RIC1: variants seen among roughly 807,000 people sequenced by gnomAD.
RIC1 encodes the protein guanine nucleotide exchange factor subunit RIC1.
RIC1 carries 88 observed loss-of-function variants against 169.0 expected under a neutral mutation model. That is an observed-to-expected ratio of 0.52 (90% CI 0.44 to 0.62). The LOEUF is 0.62. Among genes scored for constraint, RIC1 ranks in the 20% least tolerant of loss-of-function variants. The probability of loss-of-function intolerance (pLI) is 0.00; values close to 1 mark genes in which losing one functional copy is unlikely to be tolerated. For synonymous variants in RIC1, 790 were observed against 601.5 expected (o/e 1.31, Z -4.59); for missense variants, 1,877 against 1,725.5 (o/e 1.09, Z -1.56).
At chr9:5,720,378 G>A (rs1047032788) in intron 5 of RIC1, 54 bp downstream of exon 5, 6 of 1,525,102 alleles carry the variant, frequency 3.9e-6, no homozygotes, top group South Asian at 3.6e-5. Context: ...TTGATGTCTA[G>A]TTAGGTATCT....
chr9:5,701,268 T>C (rs1389470252), intron 3 of RIC1, among the ~76,000 whole-genome samples: 1 of 152,198 alleles, frequency 6.6e-6, no homozygotes, highest in Non-Finnish European at 1.5e-5. Flanking sequence ...TGGGCATCTA[T>C]ATTGAATCCT....
At chr9:5,656,557 ACT>A in intron 1 of RIC1, 24 bp from the exon 2 acceptor site, 1 of 1,033,914 alleles carries the variant, frequency 9.7e-7, no homozygotes, top group Non-Finnish European at 1.4e-6. Flanking sequence ...AAAAAATACA[ACT>A]TTTTTTTTTT....
chr9:5,771,350 T>TA (rs1268093536), intron 23 of RIC1, among the ~76,000 whole-genome samples: 1 of 152,204 alleles, frequency 6.6e-6, no homozygotes, highest in Non-Finnish European at 1.5e-5. Flanking sequence ...TCACTTAGCA[T>TA]AATGTCCTCA....
At chr9:5,671,835 G>T (rs1820125907) in intron 2 of RIC1, among the ~76,000 whole-genome samples, 1 of 152,134 alleles carries the variant, frequency 6.6e-6, no homozygotes, top group South Asian at 2.1e-4. Flanking sequence ...AGAGGGAAAG[G>T]TTTGCTTTGC....
chr9:5,670,515 C>T (rs1003838827), intron 2 of RIC1, among the ~76,000 whole-genome samples: 6 of 152,198 alleles, frequency 3.9e-5, no homozygotes, highest in African/African-American at 1.4e-4. Flanking sequence ...CCATGACCTA[C>T]TTATTGTATA....
At position 5,760,847 on chromosome 9, in the gene RIC1, A is replaced by G. The variant is rs2131081601; in HGVS notation, c.1993-1694A>G. 2.6e-5 allele frequency among the ~76,000 whole-genome samples: 4 copies of G among 152,284 alleles called. 1 individual carries two copies. The highest frequency in any genetic ancestry group is 2.6e-4 in the Admixed American group (4 of 15,288). Reference sequence around the variant, plus strand: ...TAGGGTGGCTGCTGTTTTCTTGATGAACCCTAAATGATCATTGGTAGCTTA... The same window carrying G: ...TAGGGTGGCTGCTGTTTTCTTGATGGACCCTAAATGATCATTGGTAGCTTA... On this transcript the variant is annotated intron_variant, in intron 17 of 25. Coordinates refer to ENST00000414202, the MANE Select transcript of RIC1 (RefSeq NM_020829.4).
chr9:5,679,665 G>A (rs992429159), intron 2 of RIC1, among the ~76,000 whole-genome samples: 6 of 152,170 alleles, frequency 3.9e-5, no homozygotes, highest in African/African-American at 1.4e-4. Context: ...GTATAAGAAT[G>A]CTTGTGATTT....
At chr9:5,728,629 G>T (rs1159307928) in intron 6 of RIC1, among the ~76,000 whole-genome samples, 2 of 152,154 alleles carry the variant, frequency 1.3e-5, no homozygotes, top group African/African-American at 4.8e-5. Context: ...CTCATGCTGG[G>T]AGCTGTACAC....
chr9:5,644,145 T>C (rs553377151), intron 1 of RIC1, among the ~76,000 whole-genome samples: 2 of 152,340 alleles, frequency 1.3e-5, no homozygotes, highest in Admixed American at 1.3e-4. Flanking sequence ...ATTTATAGTG[T>C]TGTGCATCCA....
At chr9:5,651,674 C>A (rs888395468) in intron 1 of RIC1, among the ~76,000 whole-genome samples, 2 of 150,350 alleles carry the variant, frequency 1.3e-5, no homozygotes, top group Non-Finnish European at 2.9e-5. Context: ...AGTGATTCTC[C>A]TGCCTCAGCC....
chr9:5,774,275 A>G lies in RIC1; in HGVS notation c.*29A>G, dbSNP rs377185133. The G allele has an allele frequency of 5.1e-6, 8 of 1,569,266 alleles. No homozygotes were observed. In the African/African-American group the frequency reaches 1.1e-4, roughly 21 times the overall value. On this transcript the variant is annotated 3_prime_UTR_variant, in exon 26 of 26. Coordinates refer to ENST00000414202, the MANE Select transcript of RIC1 (RefSeq NM_020829.4). ...TGAGGTTCCATCACAAAGGGGCAGT[A>G]TTAATTAGCAGCAGCGTGCAGCTCA...
intron 3 of RIC1, 80 bp downstream of exon 3, chr9:5,690,118 C>T: frequency 1.1e-6 from 1 of 941,204 alleles, no homozygotes; most frequent in Non-Finnish European, 1.6e-6. Context: ...TTTGAGTTGT[C>T]TGTAGTGATT....
intron 1 of RIC1, among the ~76,000 whole-genome samples, chr9:5,650,487 T>A (rs1192852930): frequency 6.6e-6 from 1 of 151,998 alleles, no homozygotes; most frequent in South Asian, 2.1e-4. Context: ...CATGTGCATG[T>A]CCACTGTGGC....
chr9:5,636,399 A>C (rs1053923560), intron 1 of RIC1, among the ~76,000 whole-genome samples: 57 of 152,192 alleles, frequency 3.7e-4, no homozygotes, highest in African/African-American at 1.3e-3. Context: ...AACTCACTGC[A>C]GCCTCTGCCT....
At chr9:5,654,950 CTATAG>C (rs1819000712) in intron 1 of RIC1, among the ~76,000 whole-genome samples, 1 of 152,122 alleles carries the variant, frequency 6.6e-6, no homozygotes, top group Admixed American at 6.5e-5. Context: ...TGTAACCTTG[CTATAG>C]TTACTTATTC....
Position 5,743,704 on chromosome 9 carries a change from C to T in RIC1, c.1062C>T (p.Gly354=). The T allele has an allele frequency of 6.2e-7, 1 of 1,609,254 alleles. No individual in the cohort carries two copies. The highest frequency in any genetic ancestry group is 8.5e-7 in the Non-Finnish European group (1 of 1,176,486). Residue 354 remains glycine (G), a synonymous_variant, in exon 10 of 26, where the codon GGC becomes GGT. Coordinates refer to ENST00000414202, the MANE Select transcript of RIC1 (RefSeq NM_020829.4). ...TCTGTTTCAGTTATAGGTCTGATGG[C>T]ACCAAAAAAGATCCCCTTAAGATCA... ...LGGDFAYRSD[G]TKKDPLKINS... is the part of the protein sequence containing the mutation.
chr9:5,672,414 T>G lies in RIC1; in HGVS notation c.252+15724T>G, dbSNP rs75477869. On this transcript the variant is annotated intron_variant, in intron 2 of 25. Coordinates refer to ENST00000414202, the MANE Select transcript of RIC1 (RefSeq NM_020829.4). ...AAATGTAATTAGAACATAATCAGGA[T>G]TTTTCAGAGCTAAAAATTTCCTAAG... Among the ~76,000 whole-genome samples, 40 of 152,282 alleles carry G rather than the reference T, an allele frequency of 2.6e-4. 2 individuals carry two copies. The East Asian group carries it at 7.7e-3, about 29-fold the overall frequency.
intron 2 of RIC1, among the ~76,000 whole-genome samples, chr9:5,674,097 G>GT (rs1240808593): frequency 6.6e-6 from 1 of 152,032 alleles, no homozygotes; most frequent in African/African-American, 2.4e-5. Context: ...CTAATATGCT[G>GT]TAAAATATAA....
intron 2 of RIC1, among the ~76,000 whole-genome samples, chr9:5,670,790 A>G (rs940952095): frequency 6.6e-6 from 1 of 152,206 alleles, no homozygotes; most frequent in African/African-American, 2.4e-5. Context: ...GAAGCGCCAT[A>G]GTTTTATTAT....
Sources: gnomAD v4.1 joint callset for allele counts (sites outside exome capture counted in the v4.1 genomes callset) on GRCh38, gnomAD v4.1.1 for gene constraint, MANE v1.5 for transcripts, NCBI Gene and HGNC (gene_info 2026-07-23, HGNC 2026-07-21) for gene names.